The following MMAA variants were observed in gnomAD, a reference collection of about 807,000 sequenced individuals.
The protein encoded by MMAA is methylmalonic aciduria type A protein, mitochondrial.
MMAA carries 41 observed loss-of-function variants against 45.0 expected under a neutral mutation model. The observed-to-expected ratio is 0.91, with a 90% CI of 0.71 to 1.18. The LOEUF is 1.18. Ranked by LOEUF, MMAA falls within the 50% of genes most tolerant of loss-of-function variation. MMAA has a pLI of 0.00. For missense variants in MMAA, 460 were observed against 495.7 expected (o/e 0.93, Z 0.68); for synonymous variants, 154 against 178.2 (o/e 0.86, Z 1.08).
At chr4:145,622,323 A>G (rs1032302456) in intron 1 of MMAA, among the ~76,000 whole-genome samples, 1 of 152,202 alleles carries the variant, frequency 6.6e-6, no homozygotes, top group African/African-American at 2.4e-5. Context: ...GCCTTCAGCC[A>G]TGATTGTGAG....
chr4:145,645,848 G>A (rs1169880554), intron 3 of MMAA, 138 bp from the exon 4 acceptor site: 32 of 753,492 alleles, frequency 4.2e-5, no homozygotes, highest in Non-Finnish European at 6.9e-5. Flanking sequence ...TATACAATGA[G>A]TTGGAGAGAA....
At chr4:145,640,638 G>A (rs575364221) in intron 2 of MMAA, among the ~76,000 whole-genome samples, 1 of 151,904 alleles carries the variant, frequency 6.6e-6, no homozygotes, top group East Asian at 1.9e-4. Context: ...TACAGGCATG[G>A]GCTACCATGC....
In MMAA at chr4:145,654,077, G is replaced by T. The variant is rs778354704; in HGVS notation, c.903G>T (p.Arg301Ser). Residue 301 changes from arginine (R) to serine (S), a missense_variant, in exon 6 of 7, where the codon AGG (arginine) becomes AGT (serine). Coordinates refer to ENST00000649156, the MANE Select transcript of MMAA (RefSeq NM_172250.3). ...SDGDLIVPAR[R>S]IQAEYVSALK... ...GAGACTTGATTGTGCCAGCTCGAAG[G>T]ATACAAGCGGAATATGTGAGTGCAC... The T allele has an allele frequency of 1.2e-6, 2 of 1,614,048 alleles. No individual in the cohort carries two copies. The highest frequency in any genetic ancestry group is 1.3e-5 in the African/African-American group (1 of 74,924).
intron 1 of MMAA, among the ~76,000 whole-genome samples, chr4:145,630,092 T>C (rs921651636): frequency 6.6e-6 from 1 of 152,228 alleles, no homozygotes; most frequent in Non-Finnish European, 1.5e-5. Flanking sequence ...ATTAGTTCTT[T>C]AAATGTTTGA....
chr4:145,645,870 T>A, intron 3 of MMAA, 116 bp from the exon 4 acceptor site: 1 of 899,274 alleles, frequency 1.1e-6, no homozygotes, highest in Non-Finnish European at 1.8e-6. Flanking sequence ...CTCAGTAATA[T>A]GAAATGCAGT....
At position 145,651,128 on chromosome 4, in the gene MMAA, C is replaced by A. The variant is rs138854691; in HGVS notation, c.800C>A (p.Ala267Glu). ...VDMFVLLLPP[A>E]GGDELQGIKR... ...ATGTTTGTTTTACTACTGCCACCAG[C>A]AGGAGGAGATGAGCTGCAGGTAATT... Residue 267 changes from alanine (A) to glutamate (E), a missense_variant, in exon 5 of 7, where the codon GCA becomes GAA. By Grantham distance (107) the Ala-to-Glu change is moderately radical. Coordinates refer to ENST00000649156, the MANE Select transcript of MMAA (RefSeq NM_172250.3). The A allele has an allele frequency of 2.5e-5, 40 of 1,613,848 alleles. No homozygotes were observed. In the Admixed American group the frequency reaches 3.3e-4, roughly 13 times the overall value.
At chr4:145,637,959 C>G (rs1316230883) in intron 1 of MMAA, among the ~76,000 whole-genome samples, 1 of 152,194 alleles carries the variant, frequency 6.6e-6, no homozygotes, top group Non-Finnish European at 1.5e-5. Flanking sequence ...GCTTAAGTGG[C>G]AGAGATTCAT....
At chr4:145,638,180 TA>T (rs1727672418) in intron 1 of MMAA, among the ~76,000 whole-genome samples, 1 of 151,932 alleles carries the variant, frequency 6.6e-6, no homozygotes, top group African/African-American at 2.4e-5. Flanking sequence ...GCGTCCTGGC[TA>T]ACACAGTGAA....
chr4:145,642,232 T>A, intron 2 of MMAA, 131 bp from the exon 3 acceptor site: 1 of 1,048,510 alleles, frequency 9.5e-7, no homozygotes, highest in Non-Finnish European at 1.4e-6. Context: ...TTAGGACATG[T>A]TGAAATATAT....
intron 1 of MMAA, 25 bp from the exon 2 acceptor site, chr4:145,639,050 G>A (rs1273943545): frequency 1.7e-6 from 2 of 1,199,718 alleles, no homozygotes; most frequent in East Asian, 2.3e-5. Flanking sequence ...TATCGAACTG[G>A]CTAACATGTT....
chr4:145,652,145 C>G, intron 5 of MMAA, among the ~76,000 whole-genome samples: 1 of 152,108 alleles, frequency 6.6e-6, no homozygotes. Context: ...ACATAAGAAG[C>G]CTGGGAGGGC....
chr4:145,638,706 G>T (rs1028902788), intron 1 of MMAA, among the ~76,000 whole-genome samples: 34 of 151,936 alleles, frequency 2.2e-4, no homozygotes, highest in African/African-American at 8.0e-4. Flanking sequence ...TTAACCTTTT[G>T]TATGAGCTTC....
At chr4:145,643,882 T>C (rs1355570212) in intron 3 of MMAA, among the ~76,000 whole-genome samples, 1 of 152,158 alleles carries the variant, frequency 6.6e-6, no homozygotes, top group Non-Finnish European at 1.5e-5. Context: ...TAGCCTGTGA[T>C]TAAAGTTACA....
intron 1 of MMAA, among the ~76,000 whole-genome samples, chr4:145,620,034 C>G (rs1734059659): frequency 6.6e-6 from 1 of 152,098 alleles, no homozygotes; most frequent in Non-Finnish European, 1.5e-5. Flanking sequence ...TATTATCTGT[C>G]TTAAGAGTTG....
chr4:145,636,668 T>C (rs939925306), intron 1 of MMAA, among the ~76,000 whole-genome samples: 2 of 152,222 alleles, frequency 1.3e-5, no homozygotes, highest in Non-Finnish European at 2.9e-5. Flanking sequence ...TTCTTCAACA[T>C]TTTTGTTATT....
At chr4:145,652,749 A>AAC (rs1728132082) in intron 5 of MMAA, among the ~76,000 whole-genome samples, 9 of 151,496 alleles carry the variant, frequency 5.9e-5, no homozygotes, top group Admixed American at 1.3e-4. Flanking sequence ...ACAACAACAA[A>AAC]AAAACCCAGG....
chr4:145,639,073 A>G lies in MMAA; in HGVS notation c.-65-2A>G. The stretch of plus-strand genomic sequence containing the variant: ...TGGCTAACATGTTTTTCTTTCTTCT[A>G]GGGAGGTCACAATCACATTGAGCCA... On this transcript the variant is annotated splice_acceptor_variant, in intron 1 of 6. Coordinates refer to ENST00000649156, the MANE Select transcript of MMAA (RefSeq NM_172250.3). LOFTEE classifies it low-confidence loss of function (5UTR_SPLICE). 2.1e-6 allele frequency: 3 copies of G among 1,419,216 alleles called. No homozygotes were observed. The highest frequency in any genetic ancestry group is 3.0e-6 in the Non-Finnish European group (3 of 1,002,736). The allele number at this position is 1,419,216 out of a possible 1,614,324, so 87.9% of individuals were successfully genotyped here.
chr4:145,622,351 G>C (rs759189369), intron 1 of MMAA, among the ~76,000 whole-genome samples: 2 of 152,138 alleles, frequency 1.3e-5, no homozygotes, highest in Non-Finnish European at 2.9e-5. Context: ...CAGCCACATA[G>C]AACTGTAAGT....
At position 145,639,408 on chromosome 4, in the gene MMAA, A is replaced by G. The variant is rs148404005; in HGVS notation, c.269A>G (p.Tyr90Cys). 3 of 1,614,106 alleles carry G rather than the reference A, an allele frequency of 1.9e-6. No homozygotes were observed. Among genetic ancestry groups the G allele is most frequent in the Non-Finnish European group, 1.7e-6 (2 of 1,180,046 alleles). The change falls in exon 2 of 7, where the codon TAT becomes TGT. Residue 90 changes from tyrosine (Y) to cysteine (C), a missense_variant. Physicochemically the swap from Tyr to Cys is radical, Grantham distance 194. Transcript: ENST00000649156. ...DKEQRFVDKL[Y>C]TGLIQGQRAC... is the part of the protein sequence containing the mutation. Reference sequence around the variant, plus strand: ...GAGCAAAGATTTGTGGATAAACTTTATACTGGTTTAATCCAAGGGCAAAGG... The same window carrying G: ...GAGCAAAGATTTGTGGATAAACTTTGTACTGGTTTAATCCAAGGGCAAAGG...
Sources: allele counts gnomAD v4.1 joint callset (sites outside exome capture counted in the v4.1 genomes callset), GRCh38; gene constraint gnomAD v4.1.1; transcripts MANE v1.5; gene names NCBI Gene and HGNC (gene_info 2026-07-23, HGNC 2026-07-21).